Variants in DNAJC15 observed in about 807,000 individuals in gnomAD.
DNAJC15 encodes the protein dnaJ homolog subfamily C member 15.
A neutral mutation model predicts 22.4 loss-of-function variants in DNAJC15; 27 were observed. The observed-to-expected ratio is 1.20, with a 90% CI of 0.89 to 1.66. DNAJC15 has a LOEUF of 1.66. Ranked by LOEUF, DNAJC15 falls within the 40% of genes most tolerant of loss-of-function variation. DNAJC15 has a pLI of 0.00. For missense variants in DNAJC15, 208 were observed against 187.1 expected, an observed-to-expected ratio of 1.11 and a Z score of -0.65; for synonymous variants, 79 against 63.2, an observed-to-expected ratio of 1.25 and a Z score of -1.19.
intron 4 of DNAJC15, among the ~76,000 whole-genome samples, chr13:43,080,250 T>C (rs2040655525): frequency 6.6e-6 from 1 of 152,124 alleles, no homozygotes; most frequent in African/African-American, 2.4e-5. Flanking sequence ...CAGGTAGGCC[T>C]CAGTGTCTGT....
At chr13:43,052,223 A>G (rs1373122729) in intron 1 of DNAJC15, among the ~76,000 whole-genome samples, 1 of 151,878 alleles carries the variant, frequency 6.6e-6, no homozygotes, top group Non-Finnish European at 1.5e-5. Flanking sequence ...TCAGCCTCCC[A>G]AAGTGCTGGG....
At chr13:43,046,575 A>T (rs1337095270) in intron 1 of DNAJC15, among the ~76,000 whole-genome samples, 1 of 152,188 alleles carries the variant, frequency 6.6e-6, no homozygotes, top group Non-Finnish European at 1.5e-5. Context: ...GAGGTAAAGA[A>T]ATAGTCAAAT....
At chr13:43,064,498 G>A (rs891605657) in intron 1 of DNAJC15, among the ~76,000 whole-genome samples, 7 of 152,100 alleles carry the variant, frequency 4.6e-5, no homozygotes, top group Non-Finnish European at 8.8e-5. Flanking sequence ...AGTCTCTGCC[G>A]ACTCTTCAGG....
intron 1 of DNAJC15, among the ~76,000 whole-genome samples, chr13:43,065,343 T>A (rs2040578514): frequency 6.6e-6 from 1 of 152,312 alleles, no homozygotes; most frequent in East Asian, 1.9e-4. Context: ...GGAGGAAATA[T>A]GTGCTTTTTA....
At position 43,113,809 on chromosome 13, in the gene DNAJC15, T is replaced by C. The variant is rs1451131982; in HGVS notation, c.*6561T>C. 1 of 152,246 alleles carries C rather than the reference T, an allele frequency of 6.6e-6. No individual in the cohort carries two copies. Among genetic ancestry groups the C allele is most frequent in the East Asian group, 1.9e-4 (1 of 5,206 alleles). The allele number at this position is 152,246 out of a possible 1,614,324, so 9.4% of individuals were successfully genotyped here. On this transcript the variant is annotated 3_prime_UTR_variant, in exon 6 of 6. Transcript: ENST00000379221. ...TGGTGGTGAGATGTGAGACTATATT[T>C]GTATAGTCTGCATCTCTCAGGCTGC... is the stretch of plus-strand genomic sequence containing the variant.
intron 5 of DNAJC15, among the ~76,000 whole-genome samples, chr13:43,094,479 C>T (rs544760985): frequency 2.0e-5 from 3 of 152,326 alleles, no homozygotes; most frequent in African/African-American, 7.2e-5. Context: ...AATCACCGCT[C>T]TAAGGGTTCC....
Position 43,074,841 on chromosome 13 carries a change from G to T in DNAJC15, c.235-3771G>T, listed in dbSNP as rs564120057. Among the ~76,000 whole-genome samples the T allele has an allele frequency of 2.0e-5, 3 of 152,040 alleles. No individual in the cohort carries two copies. The South Asian group carries it at 6.2e-4, about 32-fold the overall frequency. Reference sequence around the variant, plus strand: ...GAACAACCTGGGTTTGAACTGCACAGGTCCACTTAATCATGATTTTAAAAA... The same window carrying T: ...GAACAACCTGGGTTTGAACTGCACATGTCCACTTAATCATGATTTTAAAAA... On this transcript the variant is annotated intron_variant, in intron 3 of 5. Coordinates refer to ENST00000379221, the MANE Select transcript of DNAJC15 (RefSeq NM_013238.3).
intron 3 of DNAJC15, among the ~76,000 whole-genome samples, chr13:43,072,605 G>T (rs1399070002): frequency 6.8e-6 from 1 of 148,142 alleles, no homozygotes; most frequent in African/African-American, 2.5e-5. Flanking sequence ...TTTGGAGACA[G>T]AGCCTAGTAG....
At chr13:43,036,704 G>A (rs775128955) in intron 1 of DNAJC15, among the ~76,000 whole-genome samples, 14 of 152,214 alleles carry the variant, frequency 9.2e-5, no homozygotes, top group African/African-American at 1.2e-4. Flanking sequence ...TAGAGGCTGC[G>A]GGGAGCCCAC....
chr13:43,078,812 C>G (rs2040648019), intron 4 of DNAJC15, 124 bp downstream of exon 4: 1 of 703,590 alleles, frequency 1.4e-6, no homozygotes, highest in Non-Finnish European at 2.1e-6. Context: ...GAGAAAATAT[C>G]AAATTTTTAT....
rs116641501 is a variant in DNAJC15, at chr13:43,068,952, G to T, written c.183G>T (p.Trp61Cys). Residue 61 changes from tryptophan (W) to cysteine (C), a missense_variant, in exon 3 of 6, where the codon TGG (tryptophan) becomes TGT (cysteine). By Grantham distance (215) the Trp-to-Cys change is radical. Transcript: ENST00000379221. Reference sequence around the variant, plus strand: ...TAGGTCGCTACGCATTTCGGATCTGGAAACCTCTAGAACAAGTTATCACAG... The same window carrying T: ...TAGGTCGCTACGCATTTCGGATCTGTAAACCTCTAGAACAAGTTATCACAG... ...AFAGRYAFRI[W>C]KPLEQVITET... 9.9e-6 allele frequency: 16 copies of T among 1,612,542 alleles called. No individual in the cohort carries two copies. The African/African-American group carries it at 2.1e-4, about 22-fold the overall frequency.
At chr13:43,048,325 C>CAAA (rs766125510) in intron 1 of DNAJC15, among the ~76,000 whole-genome samples, 2,471 of 130,294 alleles carry the variant, frequency 0.019, 66 homozygotes, top group African/African-American at 0.053. Flanking sequence ...ACTAAAAATA[C>CAAA]AAAAAAAAAA....
intron 1 of DNAJC15, among the ~76,000 whole-genome samples, chr13:43,063,508 A>G (rs2040569209): frequency 6.6e-6 from 1 of 152,220 alleles, no homozygotes; most frequent in Admixed American, 6.5e-5. Context: ...ATAATCTGAT[A>G]TTAATATTTC....
intron 1 of DNAJC15, among the ~76,000 whole-genome samples, chr13:43,050,110 G>T (rs1179023030): frequency 6.6e-6 from 1 of 152,062 alleles, no homozygotes; most frequent in African/African-American, 2.4e-5. Context: ...AGTAGAGACG[G>T]GGTTTTGTCA....
chr13:43,033,226 G>C (rs949912725), intron 1 of DNAJC15, among the ~76,000 whole-genome samples: 1 of 152,158 alleles, frequency 6.6e-6, no homozygotes, highest in Admixed American at 6.6e-5. Context: ...ACCATATCAA[G>C]ACAATATAGT....
chr13:43,047,791 G>A (rs1313889150), intron 1 of DNAJC15, among the ~76,000 whole-genome samples: 1 of 152,130 alleles, frequency 6.6e-6, no homozygotes, highest in Non-Finnish European at 1.5e-5. Context: ...AAACTTGAAG[G>A]CTTATTTAGA....
At chr13:43,090,655 T>C (rs1263373490) in intron 5 of DNAJC15, among the ~76,000 whole-genome samples, 1 of 152,052 alleles carries the variant, frequency 6.6e-6, no homozygotes, top group Non-Finnish European at 1.5e-5. Context: ...TAAAAGAAAT[T>C]GGGCAGCATT....
At chr13:43,093,985 G>A (rs1234479739) in intron 5 of DNAJC15, among the ~76,000 whole-genome samples, 1 of 152,002 alleles carries the variant, frequency 6.6e-6, no homozygotes, top group Non-Finnish European at 1.5e-5. Context: ...AAGAAAATAC[G>A]ACTTCACACA....
rs536399892 is a variant in DNAJC15, at chr13:43,034,379, G to A, written c.108+10645G>A. Among the ~76,000 whole-genome samples, 9 of 139,404 alleles carry A rather than the reference G, an allele frequency of 6.5e-5. No homozygotes were observed. The East Asian group carries it at 8.3e-4, about 13-fold the overall frequency. The allele number at this position is 139,404 out of a possible 152,430, so 91.5% of individuals were successfully genotyped here. On this transcript the variant is annotated intron_variant, in intron 1 of 5. Transcript: ENST00000379221. ...CGCCCAGACTGGAGTGCAGTGGCGC[G>A]ATCTCGGCTCACTTCAAGCTCTGCC...
Sources: gnomAD v4.1 joint callset for allele counts (sites outside exome capture counted in the v4.1 genomes callset) on GRCh38, gnomAD v4.1.1 for gene constraint, MANE v1.5 for transcripts, NCBI Gene and HGNC (gene_info 2026-07-23, HGNC 2026-07-21) for gene names.